The following PDS5B variants were observed in gnomAD, a reference collection of about 807,000 sequenced individuals.
PDS5B encodes PDS5 cohesin associated factor B.
In PDS5B, 51 loss-of-function variants were observed where a neutral mutation model predicts 184.1. The observed-to-expected ratio is 0.28, with a 90% CI of 0.22 to 0.35. The LOEUF is 0.35. Ranked by LOEUF, PDS5B falls within the 10% of genes least tolerant of loss-of-function variation. The pLI is 1.00. For missense variants in PDS5B, 1,180 were observed against 1,723.3 expected (o/e 0.68, Z 5.58); for synonymous variants, 566 against 569.2 (o/e 0.99, Z 0.08).
chr13:32,710,787 A>G (rs1952179514), intron 19 of PDS5B, among the ~76,000 whole-genome samples: 1 of 152,134 alleles, frequency 6.6e-6, no homozygotes, highest in Non-Finnish European at 1.5e-5. Context: ...TGGCTTACCC[A>G]TTAGTCTGGT....
At chr13:32,752,924 T>A (rs747677823) in intron 24 of PDS5B, among the ~76,000 whole-genome samples, 3 of 152,118 alleles carry the variant, frequency 2.0e-5, no homozygotes, top group Non-Finnish European at 4.4e-5. Flanking sequence ...CCAGCTAGAG[T>A]TGTACATTTT....
At chr13:32,699,977 C>T in intron 16 of PDS5B, 108 bp downstream of exon 16, 1 of 1,045,386 alleles carries the variant, frequency 9.6e-7, no homozygotes, top group Non-Finnish European at 1.3e-6. Flanking sequence ...TGAAAAATGT[C>T]ACATAAAAAT....
At chr13:32,716,191 CG>C (rs201756156) in intron 19 of PDS5B, among the ~76,000 whole-genome samples, 151,319 of 151,328 alleles carry the variant, frequency 1, 75,655 homozygotes, top group Middle Eastern at 1. Context: ...CTCTGCCCGG[CG>C]TGCCATCCCA....
intron 1 of PDS5B, among the ~76,000 whole-genome samples, chr13:32,587,937 G>A (rs915179559): frequency 6.6e-6 from 1 of 152,176 alleles, no homozygotes; most frequent in African/African-American, 2.4e-5. Context: ...AACTCAAGTT[G>A]TGTTTACATA....
chr13:32,626,228 G>T (rs1366057203), intron 1 of PDS5B, among the ~76,000 whole-genome samples: 1 of 152,190 alleles, frequency 6.6e-6, no homozygotes, highest in Non-Finnish European at 1.5e-5. Flanking sequence ...CTACTGAGTT[G>T]TTGAAGTGCT....
At chr13:32,686,743 C>G (rs1199099158) in intron 11 of PDS5B, among the ~76,000 whole-genome samples, 1 of 152,200 alleles carries the variant, frequency 6.6e-6, no homozygotes, top group Non-Finnish European at 1.5e-5. Flanking sequence ...TGTGATTGCA[C>G]CACTTCACTC....
intron 31 of PDS5B, among the ~76,000 whole-genome samples, chr13:32,766,111 TTTA>T (rs1490189388): frequency 6.6e-6 from 1 of 152,230 alleles, no homozygotes; most frequent in Non-Finnish European, 1.5e-5. Flanking sequence ...CAGAAATTCC[TTTA>T]TTATTAATGA....
At chr13:32,710,631 A>C (rs908234761) in intron 19 of PDS5B, among the ~76,000 whole-genome samples, 1 of 152,238 alleles carries the variant, frequency 6.6e-6, no homozygotes, top group Non-Finnish European at 1.5e-5. Context: ...TTTTATAATC[A>C]GAAGAATAAA....
intron 1 of PDS5B, among the ~76,000 whole-genome samples, chr13:32,635,361 T>C (rs896116040): frequency 7.4e-6 from 1 of 135,258 alleles, no homozygotes; most frequent in Non-Finnish European, 1.6e-5. Flanking sequence ...TTTTTTTTTT[T>C]AAAGACGGAG....
chr13:32,640,507 A>C (rs1434735169), intron 1 of PDS5B, among the ~76,000 whole-genome samples: 6 of 146,442 alleles, frequency 4.1e-5, no homozygotes, highest in Non-Finnish European at 9.1e-5. Flanking sequence ...TTGGGCTCCC[A>C]AAGTGCTGAG....
At chr13:32,766,156 CAG>C (rs1409918526) in intron 31 of PDS5B, among the ~76,000 whole-genome samples, 1 of 152,192 alleles carries the variant, frequency 6.6e-6, no homozygotes. Context: ...ATGCTTTAAG[CAG>C]AGAGCTCATG....
intron 23 of PDS5B, among the ~76,000 whole-genome samples, chr13:32,743,315 T>G (rs1227762077): frequency 0.054 from 3 of 56 alleles, no homozygotes; most frequent in African/African-American, 0.21. Context: ...TCAGTTTCCT[T>G]ACCCACGGAA....
intron 1 of PDS5B, among the ~76,000 whole-genome samples, chr13:32,645,450 A>T (rs1950192817): frequency 6.6e-6 from 1 of 152,144 alleles, no homozygotes; most frequent in Non-Finnish European, 1.5e-5. Flanking sequence ...CTAGACTTGG[A>T]TATTTTTCCT....
intron 1 of PDS5B, among the ~76,000 whole-genome samples, chr13:32,598,189 C>T (rs948564105): frequency 1.3e-5 from 2 of 151,994 alleles, no homozygotes; most frequent in Non-Finnish European, 2.9e-5. Flanking sequence ...AATTCTGCCT[C>T]AGCCTCTCAA....
chr13:32,713,238 A>AT (rs1444963447), intron 19 of PDS5B, among the ~76,000 whole-genome samples: 5 of 152,184 alleles, frequency 3.3e-5, no homozygotes, highest in African/African-American at 1.2e-4. Context: ...TTTGATGTTA[A>AT]TTTTTTAAAG....
rs934561267 is a variant in PDS5B, at chr13:32,770,120, G to C, written c.3625-1G>C. Reference sequence around the variant, plus strand: ...AAATTGTGATTTTTTTTTTCCCCTAGTCTGAATTGGAGAAGCCTAGAGGCA... The same window carrying C: ...AAATTGTGATTTTTTTTTTCCCCTACTCTGAATTGGAGAAGCCTAGAGGCA... On this transcript the variant is annotated splice_acceptor_variant, in intron 31 of 34. Coordinates refer to ENST00000315596, the MANE Select transcript of PDS5B (RefSeq NM_015032.4). LOFTEE classifies it high-confidence loss of function. 1.9e-6 allele frequency: 3 copies of C among 1,580,038 alleles called. No homozygotes were observed. Among genetic ancestry groups the C allele is most frequent in the African/African-American group, 1.4e-5 (1 of 71,942 alleles).
chr13:32,640,770 G>A (rs902029308), intron 1 of PDS5B, among the ~76,000 whole-genome samples: 3 of 150,388 alleles, frequency 2.0e-5, no homozygotes, highest in Non-Finnish European at 3.0e-5. Context: ...TCAGCACATT[G>A]TTGGCCAGGT....
chr13:32,639,943 C>G (rs1399836697), intron 1 of PDS5B, among the ~76,000 whole-genome samples: 1 of 152,166 alleles, frequency 6.6e-6, no homozygotes, highest in African/African-American at 2.4e-5. Flanking sequence ...AGATGCCGGT[C>G]TTTATTTGTT....
chr13:32,654,257 A>G (rs940806398), intron 3 of PDS5B, among the ~76,000 whole-genome samples: 8 of 152,172 alleles, frequency 5.3e-5, no homozygotes, highest in Non-Finnish European at 8.8e-5. Flanking sequence ...TTTTGTCTAC[A>G]GTAGTGTTGT....
Sources: allele counts gnomAD v4.1 joint callset (sites outside exome capture counted in the v4.1 genomes callset), GRCh38; gene constraint gnomAD v4.1.1; transcripts MANE v1.5; gene names NCBI Gene and HGNC (gene_info 2026-07-23, HGNC 2026-07-21).